INTS7: variants seen among roughly 807,000 people sequenced by gnomAD.
The protein encoded by INTS7 is chromosome 1 open reading frame 73.
INTS7 carries 46 observed loss-of-function variants against 109.2 expected under a neutral mutation model. The ratio of observed to expected loss-of-function variants is 0.42; its 90% confidence interval spans 0.33 to 0.54. INTS7 has a LOEUF of 0.54. Ranked by LOEUF, INTS7 falls within the 20% of genes least tolerant of loss-of-function variation. The probability of loss-of-function intolerance (pLI) is 0.07; values close to 1 mark genes in which losing one functional copy is unlikely to be tolerated. For synonymous variants in INTS7, 412 were observed against 402.9 expected (o/e 1.02, Z -0.27); for missense variants, 929 against 1,132.4 (o/e 0.82, Z 2.58).
intron 16 of INTS7, among the ~76,000 whole-genome samples, chr1:211,958,276 G>A (rs1663456227): frequency 6.6e-6 from 1 of 151,948 alleles, no homozygotes. Flanking sequence ...TATTTTTCCT[G>A]AATATGGAAT....
At chr1:211,974,251 C>A (rs1394690475) in intron 13 of INTS7, among the ~76,000 whole-genome samples, 2 of 119,168 alleles carry the variant, frequency 1.7e-5, no homozygotes, top group Middle Eastern at 5.4e-3. Flanking sequence ...ATATAGGAAA[C>A]AACAATCTCT....
In INTS7 at chr1:211,975,303, A is replaced by T. The variant is rs780281958; in HGVS notation, c.1678T>A (p.Phe560Ile). 9.9e-6 allele frequency: 16 copies of T among 1,614,028 alleles called. No homozygotes were observed. Among genetic ancestry groups the T allele is most frequent in the Admixed American group, 1.7e-5 (1 of 60,008 alleles). The change falls in exon 13 of 20, where the codon TTC becomes ATC. Residue 560 changes from phenylalanine (F) to isoleucine (I), a missense_variant. Phe to Ile is a conservative substitution (Grantham distance 21, BLOSUM62 0). Coordinates refer to ENST00000366994, the MANE Select transcript of INTS7 (RefSeq NM_015434.4). Reference protein sequence around the residue: ...LTQVASEHFYFWLNSLKEFSH... With the variant: ...LTQVASEHFYIWLNSLKEFSH... Reference sequence around the variant, plus strand: ...AACTCCTTCAAACTATTTAGCCAGAAGTAGAAATGTTCTGAGGCAACCTGA... The same window carrying T: ...AACTCCTTCAAACTATTTAGCCAGATGTAGAAATGTTCTGAGGCAACCTGA...
chr1:212,008,656 A>G (rs574507078), intron 5 of INTS7, among the ~76,000 whole-genome samples: 238 of 152,260 alleles, frequency 1.6e-3, no homozygotes, highest in Non-Finnish European at 2.2e-3. Context: ...AGGTCTCAGA[A>G]GCATTTTGTA....
At chr1:211,948,557 C>T (rs1662942818) in intron 17 of INTS7, among the ~76,000 whole-genome samples, 1 of 152,184 alleles carries the variant, frequency 6.6e-6, no homozygotes, top group Non-Finnish European at 1.5e-5. Context: ...GCAATACCCT[C>T]TTGGAAAAGT....
intron 7 of INTS7, 105 bp downstream of exon 7, chr1:212,006,534 C>T (rs1665916527): frequency 2.1e-6 from 1 of 466,184 alleles, no homozygotes; most frequent in African/African-American, 2.0e-5. Context: ...TTTTCATATT[C>T]AACCACTTAG....
At chr1:211,948,174 A>C (rs943403462) in intron 17 of INTS7, among the ~76,000 whole-genome samples, 2 of 150,900 alleles carry the variant, frequency 1.3e-5, no homozygotes, top group Non-Finnish European at 3.0e-5. Context: ...TTTTTTTTTT[A>C]AAGTTGGGTG....
intron 4 of INTS7, among the ~76,000 whole-genome samples, chr1:212,013,984 G>A (rs570082867): frequency 2.0e-5 from 3 of 152,218 alleles, no homozygotes; most frequent in Non-Finnish European, 2.9e-5. Context: ...CAATACCAAC[G>A]ACTCTCTCAA....
chr1:212,003,233 A>G (rs1325561943), intron 7 of INTS7, among the ~76,000 whole-genome samples: 1 of 151,902 alleles, frequency 6.6e-6, no homozygotes, highest in Non-Finnish European at 1.5e-5. Context: ...TAGACAGTTT[A>G]AAAAGAAATT....
intron 8 of INTS7, among the ~76,000 whole-genome samples, chr1:211,983,414 T>C (rs1664746436): frequency 6.6e-6 from 1 of 152,210 alleles, no homozygotes; most frequent in Admixed American, 6.5e-5. Context: ...CCTGTTATTA[T>C]ACTCTTCTGC....
intron 16 of INTS7, among the ~76,000 whole-genome samples, chr1:211,955,191 G>A (rs1217329209): frequency 2.0e-5 from 3 of 151,890 alleles, no homozygotes; most frequent in African/African-American, 4.8e-5. Context: ...TTGGCTCTCT[G>A]TTTGTCTGTT....
chr1:211,978,138 G>T, intron 11 of INTS7, 134 bp downstream of exon 11: 1 of 996,404 alleles, frequency 1.0e-6, no homozygotes, highest in Non-Finnish European at 1.5e-6. Flanking sequence ...CACACTCTTT[G>T]GTCTTAGGTA....
intron 13 of INTS7, among the ~76,000 whole-genome samples, chr1:211,971,453 G>T (rs1375580962): frequency 6.6e-6 from 1 of 152,172 alleles, no homozygotes; most frequent in South Asian, 2.1e-4. Context: ...AAGACTATAT[G>T]GCAGGGAAAT....
chr1:211,997,245 A>G (rs1370784444), intron 7 of INTS7, among the ~76,000 whole-genome samples: 1 of 151,828 alleles, frequency 6.6e-6, no homozygotes, highest in Non-Finnish European at 1.5e-5. Flanking sequence ...AGAAGAGCTG[A>G]AAAAAAAGAG....
intron 1 of INTS7, among the ~76,000 whole-genome samples, chr1:212,029,145 A>C (rs912295740): frequency 4.6e-5 from 7 of 152,230 alleles, no homozygotes; most frequent in African/African-American, 1.7e-4. Context: ...AAACAGCACA[A>C]ATCTCCAAGT....
At position 211,968,681 on chromosome 1, in the gene INTS7, T is replaced by G; in HGVS notation, c.1842A>C (p.Leu614Phe). Reference protein sequence around the residue: ...LTAASTPLNPLSFQCEFVKLR... With the variant: ...LTAASTPLNPFSFQCEFVKLR... Reference sequence around the variant, plus strand: ...GTTTTACAAATTCACACTGAAAGCTTAAAGGATTCAGTGGTGTACTAGCTG... The same window carrying G: ...GTTTTACAAATTCACACTGAAAGCTGAAAGGATTCAGTGGTGTACTAGCTG... The change falls in exon 14 of 20, where the codon TTA becomes TTC. Residue 614 changes from leucine to phenylalanine, a missense_variant. Leu to Phe is a conservative substitution (Grantham distance 22). This residue lies in a region of INTS7 where 787 missense variants were observed against 901.1 expected (regional missense o/e 0.87). Coordinates refer to ENST00000366994, the MANE Select transcript of INTS7 (RefSeq NM_015434.4). 1 of 1,610,926 alleles carries G rather than the reference T, an allele frequency of 6.2e-7. No individual in the cohort carries two copies. The highest frequency in any genetic ancestry group is 8.5e-7 in the Non-Finnish European group (1 of 1,179,100).
intron 13 of INTS7, 48 bp from the exon 14 acceptor site, chr1:211,968,755 A>G: frequency 6.8e-7 from 1 of 1,463,062 alleles, no homozygotes; most frequent in Non-Finnish European, 9.4e-7. Flanking sequence ...TAAACAGAAC[A>G]GTGAGATGGG....
chr1:212,021,559 C>T (rs571726402), intron 1 of INTS7, among the ~76,000 whole-genome samples: 4 of 151,436 alleles, frequency 2.6e-5, no homozygotes, highest in East Asian at 1.9e-4. Context: ...AAAAAAAGCA[C>T]GTTTAACCCA....
chr1:212,017,462 A>G (rs1323511753), intron 3 of INTS7, among the ~76,000 whole-genome samples: 3 of 152,250 alleles, frequency 2.0e-5, no homozygotes, highest in African/African-American at 7.2e-5. Flanking sequence ...ATCAGTAAAT[A>G]TTGGTATGAT....
chr1:211,985,025 T>C (rs1040193036), intron 8 of INTS7, among the ~76,000 whole-genome samples: 1 of 152,216 alleles, frequency 6.6e-6, no homozygotes, highest in Admixed American at 6.5e-5. Flanking sequence ...ATATATGCCA[T>C]TTCTCAATGT....
Sources: gnomAD v4.1 joint callset for allele counts (sites outside exome capture counted in the v4.1 genomes callset) on GRCh38, gnomAD v4.1.1 for gene constraint, gnomAD v4.1.1 regional missense constraint, MANE v1.5 for transcripts, NCBI Gene and HGNC (gene_info 2026-07-23, HGNC 2026-07-21) for gene names.